PDPN: variants seen among roughly 807,000 people sequenced by gnomAD.
PDPN encodes PA2.26 antigen.
In PDPN, 12 loss-of-function variants were observed where a neutral mutation model predicts 23.2. The observed-to-expected ratio is 0.52, with a 90% CI of 0.33 to 0.84. The LOEUF (loss-of-function observed/expected upper bound fraction) is 0.84. Among genes scored for constraint, PDPN ranks in the 40% least tolerant of loss-of-function variants. PDPN has a pLI of 0.02. For synonymous variants in PDPN, 77 were observed against 76.7 expected, an observed-to-expected ratio of 1.00 and a Z score of -0.02; for missense variants, 199 against 212.2, an observed-to-expected ratio of 0.94 and a Z score of 0.39.
At chr1:13,600,681 G>A (rs546963398) in intron 1 of PDPN, among the ~76,000 whole-genome samples, 1 of 152,116 alleles carries the variant, frequency 6.6e-6, no homozygotes, top group South Asian at 2.1e-4. Context: ...CTTAACTTCC[G>A]ACCTTGTTAA....
intron 1 of PDPN, among the ~76,000 whole-genome samples, chr1:13,589,083 G>C (rs1158100601): frequency 7.2e-6 from 1 of 138,446 alleles, no homozygotes; most frequent in Admixed American, 7.5e-5. Flanking sequence ...CTTACCGTTA[G>C]TAGGAAAGGT....
chr1:13,603,264 TC>T (rs1337024998), intron 1 of PDPN, among the ~76,000 whole-genome samples: 3 of 152,006 alleles, frequency 2.0e-5, no homozygotes, highest in Non-Finnish European at 4.4e-5. Context: ...ACACCTGTAA[TC>T]CCAGCTACTT....
chr1:13,601,857 T>C (rs188683351), intron 1 of PDPN, among the ~76,000 whole-genome samples: 9 of 152,354 alleles, frequency 5.9e-5, no homozygotes, highest in Admixed American at 2.6e-4. Context: ...TGAATATTTA[T>C]GTGATCTTGA....
chr1:13,601,551 T>A (rs1450871998), intron 1 of PDPN, among the ~76,000 whole-genome samples: 1 of 152,170 alleles, frequency 6.6e-6, no homozygotes, highest in Non-Finnish European at 1.5e-5. Flanking sequence ...GGGACAGCAT[T>A]TTGCCATGTT....
intron 1 of PDPN, among the ~76,000 whole-genome samples, chr1:13,595,465 A>G (rs1482102845): frequency 6.6e-6 from 1 of 151,966 alleles, no homozygotes; most frequent in Non-Finnish European, 1.5e-5. Context: ...CAAGACCCCA[A>G]AGCAAACTCT....
At chr1:13,603,243 C>T (rs113479349) in intron 1 of PDPN, among the ~76,000 whole-genome samples, 2,921 of 152,060 alleles carry the variant, frequency 0.019, 45 homozygotes, top group Middle Eastern at 0.11. Context: ...ATTAGCTGGG[C>T]GTGGTGGTGC....
At chr1:13,605,367 G>GT (rs1640756825) in intron 1 of PDPN, among the ~76,000 whole-genome samples, 1 of 152,184 alleles carries the variant, frequency 6.6e-6, no homozygotes, top group Non-Finnish European at 1.5e-5. Context: ...GTGTATGCTT[G>GT]TTTATTTTGC....
chr1:13,605,334 TC>T (rs1259524904), intron 1 of PDPN, among the ~76,000 whole-genome samples: 1 of 152,124 alleles, frequency 6.6e-6, no homozygotes, highest in Non-Finnish European at 1.5e-5. Context: ...TCCAAGCACC[TC>T]CCTCCCCCTC....
At chr1:13,605,160 G>A (rs1277446663) in intron 1 of PDPN, among the ~76,000 whole-genome samples, 4 of 151,368 alleles carry the variant, frequency 2.6e-5, no homozygotes, top group African/African-American at 9.8e-5. Context: ...GGCTGTCTAA[G>A]CAGTGGGGAG....
At chr1:13,606,119 A>G (rs1222934047) in intron 1 of PDPN, among the ~76,000 whole-genome samples, 1 of 151,928 alleles carries the variant, frequency 6.6e-6, no homozygotes, top group Non-Finnish European at 1.5e-5. Context: ...CCTCCTGAGT[A>G]GCTAGGATTA....
chr1:13,596,459 A>G (rs1244462072), intron 1 of PDPN, among the ~76,000 whole-genome samples: 7 of 152,184 alleles, frequency 4.6e-5, no homozygotes, highest in Admixed American at 4.6e-4. Flanking sequence ...TCCAGTAAGC[A>G]ATTTACCAGA....
intron 1 of PDPN, among the ~76,000 whole-genome samples, chr1:13,595,585 G>T (rs761746445): frequency 6.6e-6 from 1 of 152,206 alleles, no homozygotes; most frequent in Non-Finnish European, 1.5e-5. Flanking sequence ...CTAGTGACAC[G>T]TGTCTGATCT....
chr1:13,590,300 A>G lies in PDPN; in HGVS notation c.67+6200A>G, dbSNP rs539139728. 6.1e-4 allele frequency among the ~76,000 whole-genome samples: 93 copies of G among 152,362 alleles called. 2 individuals carry two copies. In the South Asian group the frequency reaches 0.018, roughly 30 times the overall value. On this transcript the variant is annotated intron_variant, in intron 1 of 5. Transcript: ENST00000621990. Reference sequence around the variant, plus strand: ...ACACACATTAAGTTAGAGAGGAAGCATATGCTGTGATTGTAGCTTGCAAAG... The same window carrying G: ...ACACACATTAAGTTAGAGAGGAAGCGTATGCTGTGATTGTAGCTTGCAAAG...
In PDPN at chr1:13,617,143, C is replaced by A. The variant is rs897374160; in HGVS notation, c.*1232C>A. On this transcript the variant is annotated 3_prime_UTR_variant, in exon 6 of 6. Coordinates refer to ENST00000621990, the MANE Select transcript of PDPN (RefSeq NM_006474.5). ...ACCATCCAGCCTGGCACTTCTCTTCCCATATATCCATTGGATTTTTTTTTT... is the reference window on the plus strand; with the variant it reads ...ACCATCCAGCCTGGCACTTCTCTTCACATATATCCATTGGATTTTTTTTTT... 4.2e-5 allele frequency: 6 copies of A among 142,680 alleles called. No individual in the cohort carries two copies. Among genetic ancestry groups the A allele is most frequent in the African/African-American group, 1.3e-4 (5 of 38,280 alleles). 8.8% of individuals were successfully genotyped at this position (142,680 alleles called of 1,614,324 possible).
At chr1:13,585,260 C>T (rs1640144239) in intron 1 of PDPN, among the ~76,000 whole-genome samples, 1 of 152,172 alleles carries the variant, frequency 6.6e-6, no homozygotes, top group African/African-American at 2.4e-5. Context: ...TGCGCCTAAC[C>T]TGGCCTCCTA....
At chr1:13,591,005 G>A (rs898593470) in intron 1 of PDPN, among the ~76,000 whole-genome samples, 6 of 151,852 alleles carry the variant, frequency 4.0e-5, no homozygotes, top group Admixed American at 1.3e-4. Context: ...GCAATGGCGC[G>A]ATCTTGGCTC....
intron 1 of PDPN, among the ~76,000 whole-genome samples, chr1:13,599,302 A>G (rs1261009): frequency 0.21 from 30,797 of 149,272 alleles, 3,434 homozygotes; most frequent in East Asian, 0.36. Context: ...GTAAGCCACC[A>G]TGCCCGGCCA....
chr1:13,606,209 C>G (rs1275102063), intron 1 of PDPN, among the ~76,000 whole-genome samples: 1 of 151,722 alleles, frequency 6.6e-6, no homozygotes, highest in Non-Finnish European at 1.5e-5. Flanking sequence ...AGGCTGGTCT[C>G]AAATTCCTGA....
At chr1:13,598,069 T>C (rs1484883705) in intron 1 of PDPN, among the ~76,000 whole-genome samples, 1 of 151,984 alleles carries the variant, frequency 6.6e-6, no homozygotes, top group Admixed American at 6.6e-5. Context: ...CAGGCTGGAG[T>C]GCGTGGCACT....
Sources: gnomAD v4.1 joint callset for allele counts (sites outside exome capture counted in the v4.1 genomes callset) on GRCh38, gnomAD v4.1.1 for gene constraint, MANE v1.5 for transcripts, NCBI Gene and HGNC (gene_info 2026-07-23, HGNC 2026-07-21) for gene names.